Variants in LUZP2 observed in about 807,000 individuals in gnomAD.
The protein encoded by LUZP2 is leucine zipper protein 2.
A neutral mutation model predicts 51.6 loss-of-function variants in LUZP2; 52 were observed. That is an observed-to-expected ratio of 1.01 (90% CI 0.81 to 1.27). The LOEUF is 1.27. LUZP2 is among the 50% of genes most tolerant of loss of function. LUZP2 has a pLI of 0.00. For synonymous variants in LUZP2, 154 were observed against 137.3 expected (o/e 1.12, Z -0.85); for missense variants, 436 against 395.4 (o/e 1.10, Z -0.87).
intron 5 of LUZP2, among the ~76,000 whole-genome samples, chr11:24,772,127 T>C (rs934311717): frequency 1.3e-5 from 2 of 152,080 alleles, no homozygotes; most frequent in African/African-American, 2.4e-5. Context: ...AAACAGTATA[T>C]GTGTTGTGTT....
At chr11:24,856,693 T>G (rs1851577703) in intron 5 of LUZP2, among the ~76,000 whole-genome samples, 1 of 152,068 alleles carries the variant, frequency 6.6e-6, no homozygotes. Flanking sequence ...CATCAATGGA[T>G]AATTGGATAA....
intron 9 of LUZP2, among the ~76,000 whole-genome samples, chr11:25,015,258 A>G (rs746017271): frequency 4.6e-5 from 7 of 152,184 alleles, no homozygotes; most frequent in Non-Finnish European, 8.8e-5. Context: ...ACACTTACAA[A>G]ATGTTACGAT....
At chr11:24,580,656 A>C (rs10734354) in intron 1 of LUZP2, among the ~76,000 whole-genome samples, 1 of 152,138 alleles carries the variant, frequency 6.6e-6, no homozygotes, top group Non-Finnish European at 1.5e-5. Context: ...TGCAAATGTG[A>C]TAAACAGCTG....
intron 7 of LUZP2, among the ~76,000 whole-genome samples, chr11:24,919,432 G>A (rs1476906098): frequency 9.6e-6 from 1 of 104,686 alleles, no homozygotes; most frequent in African/African-American, 3.8e-5. Context: ...GATAATATAT[G>A]TTATATATTA....
In LUZP2 at chr11:24,772,855, C is replaced by A. The variant is rs541122062; in HGVS notation, c.396+9547C>A. On this transcript the variant is annotated intron_variant, in intron 5 of 11. Transcript: ENST00000336930. ...CCTCTATGTGCCTCTTATTCATGTGCCTCTATGTCTTTGTGTGTCTTCTCC... is the reference window on the plus strand; with the variant it reads ...CCTCTATGTGCCTCTTATTCATGTGACTCTATGTCTTTGTGTGTCTTCTCC... Among the ~76,000 whole-genome samples the A allele has an allele frequency of 7.2e-5, 11 of 152,188 alleles. No individual in the cohort carries two copies. In the South Asian group the frequency reaches 2.3e-3, roughly 32 times the overall value.
intron 5 of LUZP2, among the ~76,000 whole-genome samples, chr11:24,839,638 T>C (rs1340640438): frequency 2.6e-5 from 4 of 151,656 alleles, no homozygotes; most frequent in African/African-American, 7.2e-5. Flanking sequence ...CCTGATGACT[T>C]ATCTCTTCAT....
intron 9 of LUZP2, among the ~76,000 whole-genome samples, chr11:24,995,253 C>T (rs944894165): frequency 6.6e-6 from 1 of 151,890 alleles, no homozygotes; most frequent in Non-Finnish European, 1.5e-5. Context: ...ATTAGCTGGG[C>T]GTGGTGGTAC....
At chr11:24,761,591 G>T (rs1301642930) in intron 4 of LUZP2, among the ~76,000 whole-genome samples, 2 of 152,120 alleles carry the variant, frequency 1.3e-5, no homozygotes, top group African/African-American at 4.8e-5. Context: ...CTGGGCTCCA[G>T]GCTGCAGACA....
chr11:24,914,749 G>A (rs1262777368), intron 7 of LUZP2, among the ~76,000 whole-genome samples: 1 of 152,132 alleles, frequency 6.6e-6, no homozygotes, highest in Non-Finnish European at 1.5e-5. Flanking sequence ...TCAAAAGCAT[G>A]CCTCATTCCA....
At position 24,971,846 on chromosome 11, in the gene LUZP2, A is replaced by T. The variant is rs148699272; in HGVS notation, c.523-4745A>T. On this transcript the variant is annotated intron_variant, in intron 7 of 11. Transcript: ENST00000336930. Reference sequence around the variant, plus strand: ...CAGGTAAAAAAAGGTAAATCATTAAAACCCTGGGCATGGCCAGGTGCAGTG... The same window carrying T: ...CAGGTAAAAAAAGGTAAATCATTAATACCCTGGGCATGGCCAGGTGCAGTG... Among the ~76,000 whole-genome samples, 335 of 152,144 alleles carry T rather than the reference A, an allele frequency of 2.2e-3. 1 individual carries two copies. Among genetic ancestry groups the T allele is most frequent in the African/African-American group, 7.3e-3 (302 of 41,540 alleles).
chr11:24,984,772 C>G (rs1856145137), intron 9 of LUZP2, among the ~76,000 whole-genome samples: 1 of 150,972 alleles, frequency 6.6e-6, no homozygotes, highest in South Asian at 2.1e-4. Context: ...CATCATTACC[C>G]TTTATAAAAT....
intron 7 of LUZP2, among the ~76,000 whole-genome samples, chr11:24,927,760 C>T (rs1206743169): frequency 1.3e-5 from 2 of 151,688 alleles, no homozygotes; most frequent in East Asian, 3.9e-4. Context: ...AAATTTTTTT[C>T]TACTTTTGTG....
At chr11:25,065,428 C>T (rs983086849) in intron 10 of LUZP2, among the ~76,000 whole-genome samples, 1 of 151,894 alleles carries the variant, frequency 6.6e-6, no homozygotes, top group Non-Finnish European at 1.5e-5. Flanking sequence ...AAATATATGT[C>T]CTTATTTATT....
rs529555325 is a variant in LUZP2, at chr11:24,906,134, G to A, written c.459+81G>A. 2.9e-5 allele frequency: 26 copies of A among 898,406 alleles called. No homozygotes were observed. In the Admixed American group the frequency reaches 4.9e-4, roughly 17 times the overall value. 55.7% of individuals were successfully genotyped at this position (898,406 alleles called of 1,614,324 possible). A position where few individuals can be genotyped will look rare whatever the true frequency, so the allele number is the denominator to read the frequency against. On this transcript the variant is annotated intron_variant, in intron 6 of 11. Coordinates refer to ENST00000336930, the MANE Select transcript of LUZP2 (RefSeq NM_001009909.4). ...AGATTTTTGTTCAACTCAGACATCTGGTAACTCTTTTTCCTCCTAATACAA... is the reference window on the plus strand; with the variant it reads ...AGATTTTTGTTCAACTCAGACATCTAGTAACTCTTTTTCCTCCTAATACAA...
At chr11:24,584,004 G>T (rs375289169) in intron 1 of LUZP2, among the ~76,000 whole-genome samples, 8 of 151,792 alleles carry the variant, frequency 5.3e-5, no homozygotes, top group African/African-American at 1.9e-4. Flanking sequence ...GAGCCACCGC[G>T]CCTGACCTAC....
intron 5 of LUZP2, among the ~76,000 whole-genome samples, chr11:24,839,372 A>T (rs1320755511): frequency 6.6e-6 from 1 of 151,674 alleles, no homozygotes; most frequent in Non-Finnish European, 1.5e-5. Context: ...CTATTTTTTA[A>T]ATCATTTTTG....
chr11:24,880,615 G>A lies in LUZP2; in HGVS notation c.397-25376G>A, dbSNP rs144511435. Among the ~76,000 whole-genome samples, 63 of 152,198 alleles carry A rather than the reference G, an allele frequency of 4.1e-4. 1 individual carries two copies. The East Asian group carries it at 7.4e-3, about 18-fold the overall frequency. Reference sequence around the variant, plus strand: ...ACATTTTGAGATTCACTGGCTTACAGGAAGAAAGTCTCTGTAGAATTTATT... The same window carrying A: ...ACATTTTGAGATTCACTGGCTTACAAGAAGAAAGTCTCTGTAGAATTTATT... On this transcript the variant is annotated intron_variant, in intron 5 of 11. Coordinates refer to ENST00000336930, the MANE Select transcript of LUZP2 (RefSeq NM_001009909.4).
chr11:24,889,795 G>C (rs889251741), intron 5 of LUZP2, among the ~76,000 whole-genome samples: 2 of 152,118 alleles, frequency 1.3e-5, no homozygotes, highest in Admixed American at 6.5e-5. Flanking sequence ...TCTTTACACT[G>C]TTGCCCAGAA....
intron 1 of LUZP2, among the ~76,000 whole-genome samples, chr11:24,523,469 C>A (rs78052457): frequency 6.7e-6 from 1 of 150,096 alleles, no homozygotes; most frequent in Non-Finnish European, 1.5e-5. Flanking sequence ...CATGCTAATT[C>A]ACTTAAAATA....
Sources: gnomAD v4.1 joint callset for allele counts (sites outside exome capture counted in the v4.1 genomes callset) on GRCh38, gnomAD v4.1.1 for gene constraint, MANE v1.5 for transcripts, NCBI Gene and HGNC (gene_info 2026-07-23, HGNC 2026-07-21) for gene names.